The following WSB1 variants were observed in gnomAD, a reference collection of about 807,000 sequenced individuals.
WSB1 encodes the protein WD repeat and SOCS box containing 1.
A neutral mutation model predicts 50.2 loss-of-function variants in WSB1; 23 were observed. That is an observed-to-expected ratio of 0.46 (90% CI 0.33 to 0.65). WSB1 has a LOEUF of 0.65. WSB1 is among the 30% of genes least tolerant of loss of function. The pLI, the probability that WSB1 is intolerant of heterozygous loss-of-function variation, is 0.02. For missense variants in WSB1, 492 were observed against 522.3 expected (o/e 0.94, Z 0.56); for synonymous variants, 179 against 172.0 (o/e 1.04, Z -0.32).
Position 27,294,242 on chromosome 17 carries a change from C to A in WSB1, c.-154C>A. 2 of 992,052 alleles carry A rather than the reference C, an allele frequency of 2.0e-6. No homozygotes were observed. Among genetic ancestry groups the A allele is most frequent in the Non-Finnish European group, 3.0e-6 (2 of 672,450 alleles). The allele number at this position is 992,052 out of a possible 1,614,324, so 61.5% of individuals were successfully genotyped here. ...GAGGCCTTCGGGAGCTTTCCCGAGG[C>A]AGTTAGCAGAAGCCGCAGCGGCCGC... is the stretch of plus-strand genomic sequence containing the variant. On this transcript the variant is annotated 5_prime_UTR_variant, in exon 1 of 9. Transcript: ENST00000262394.
chr17:27,307,026 T>G, intron 5 of WSB1, 144 bp downstream of exon 5: 1 of 747,820 alleles, frequency 1.3e-6, no homozygotes, highest in East Asian at 2.8e-5. Context: ...GGGGAGAATT[T>G]GCATGAAGGA....
chr17:27,309,003 T>G, intron 5 of WSB1, 97 bp from the exon 6 acceptor site: 1 of 1,393,738 alleles, frequency 7.2e-7, no homozygotes, highest in Non-Finnish European at 9.4e-7. Context: ...TAATGCTTAA[T>G]ATAATCTTAA....
At chr17:27,295,884 C>T (rs1175636915) in intron 1 of WSB1, among the ~76,000 whole-genome samples, 1 of 151,242 alleles carries the variant, frequency 6.6e-6, no homozygotes, top group African/African-American at 2.4e-5. Flanking sequence ...GTTGCCCAGG[C>T]TGGAGTGCAA....
chr17:27,300,783 A>G (rs1156251193), intron 1 of WSB1, among the ~76,000 whole-genome samples: 1 of 151,712 alleles, frequency 6.6e-6, no homozygotes, highest in South Asian at 2.1e-4. Context: ...TCCACCTCCA[A>G]GATTCAAACA....
At chr17:27,303,199 C>G in intron 2 of WSB1, 168 bp from the exon 3 acceptor site, 1 of 693,960 alleles carries the variant, frequency 1.4e-6, no homozygotes, top group Non-Finnish European at 2.3e-6. Flanking sequence ...GTCCTTCTCT[C>G]GTAGTTCAAA....
chr17:27,310,375 G>GT (rs986719433), intron 7 of WSB1, among the ~76,000 whole-genome samples: 14 of 152,250 alleles, frequency 9.2e-5, no homozygotes, highest in African/African-American at 3.4e-4. Context: ...TGTGTTCCTT[G>GT]TTTAACTTGT....
Position 27,294,252 on chromosome 17 carries a change from A to C in WSB1, c.-144A>C. 1 of 1,136,536 alleles carries C rather than the reference A, an allele frequency of 8.8e-7. No homozygotes were observed. Among genetic ancestry groups the C allele is most frequent in the Non-Finnish European group, 1.2e-6 (1 of 800,518 alleles). The allele number at this position is 1,136,536 out of a possible 1,614,324, so 70.4% of individuals were successfully genotyped here. On this transcript the variant is annotated 5_prime_UTR_variant, in exon 1 of 9. Coordinates refer to ENST00000262394, the MANE Select transcript of WSB1 (RefSeq NM_015626.10). The stretch of plus-strand genomic sequence containing the variant: ...GGAGCTTTCCCGAGGCAGTTAGCAG[A>C]AGCCGCAGCGGCCGCCCCCGCCCGT...
At chr17:27,300,052 A>G (rs964732948) in intron 1 of WSB1, among the ~76,000 whole-genome samples, 4 of 151,470 alleles carry the variant, frequency 2.6e-5, no homozygotes, top group African/African-American at 7.3e-5. Flanking sequence ...GAATGGGAGC[A>G]TAAATGTGTG....
In WSB1 at chr17:27,311,633, C is replaced by CTTTTTTTTTTT. The variant is rs142949229; in HGVS notation, c.1106+33_1106+43dup. 4.1e-5 allele frequency: 20 copies of CTTTTTTTTTTT among 491,128 alleles called. No homozygotes were observed. The highest frequency in any genetic ancestry group is 1.6e-4 in the East Asian group (3 of 18,352). The allele number at this position is 491,128 out of a possible 1,614,324, so 30.4% of individuals were successfully genotyped here. ...AGCTGCTGGGTAAATATATTTTTCT[C>CTTTTTTTTTTT]TTTTTTTTTTTTTTTTTTTTTTTTT... On this transcript the variant is annotated intron_variant, in intron 8 of 8. Transcript: ENST00000262394.
Position 27,304,874 on chromosome 17 carries a change from A to G in WSB1, c.573A>G (p.Arg191=), listed in dbSNP as rs1380530462. The G allele has an allele frequency of 1.2e-6, 2 of 1,613,988 alleles. No homozygotes were observed. The highest frequency in any genetic ancestry group is 1.7e-5 in the Admixed American group (1 of 59,982). ...DGSLILVSAS[R]DKTLRVWDLK... is the part of the protein sequence containing the mutation. ...GCTTGATCCTGGTGTCAGCTTCAAG[A>G]GACAAAACTCTCAGAGTATGGGACC... The change falls in exon 4 of 9, where the codon AGA becomes AGG. Residue 191 remains arginine, a synonymous_variant. Transcript: ENST00000262394.
chr17:27,313,807 A>G lies in WSB1; in HGVS notation c.*1438A>G, dbSNP rs1382177215. 6.6e-6 allele frequency: 1 copy of G among 152,196 alleles called. No homozygotes were observed. The highest frequency in any genetic ancestry group is 1.5e-5 in the Non-Finnish European group (1 of 68,036). The allele number at this position is 152,196 out of a possible 1,614,324, so 9.4% of individuals were successfully genotyped here. The stretch of plus-strand genomic sequence containing the variant: ...GGGCTCCCCGAGTGCAGCAGCTCTT[A>G]TGGTGGTTTTGTTTTTAGGAGAACT... On this transcript the variant is annotated 3_prime_UTR_variant, in exon 9 of 9. Transcript: ENST00000262394.
intron 1 of WSB1, among the ~76,000 whole-genome samples, chr17:27,301,229 C>G (rs2017217075): frequency 6.6e-6 from 1 of 152,102 alleles, no homozygotes; most frequent in Non-Finnish European, 1.5e-5. Context: ...ACCTGTAAGT[C>G]TCTTCTAGTT....
intron 1 of WSB1, among the ~76,000 whole-genome samples, chr17:27,298,547 C>G (rs1288673746): frequency 5.3e-5 from 8 of 151,890 alleles, no homozygotes; most frequent in Admixed American, 5.3e-4. Context: ...ATAGCAAGAC[C>G]CTGTCTATAA....
At chr17:27,296,748 G>A (rs1364739006) in intron 1 of WSB1, among the ~76,000 whole-genome samples, 2 of 152,110 alleles carry the variant, frequency 1.3e-5, no homozygotes, top group Non-Finnish European at 2.9e-5. Flanking sequence ...TGTATCTTAC[G>A]GCTGATTTCC....
chr17:27,305,673 A>T (rs2017422708), intron 4 of WSB1, among the ~76,000 whole-genome samples: 1 of 152,224 alleles, frequency 6.6e-6, no homozygotes, highest in Admixed American at 6.5e-5. Flanking sequence ...AAACCCTCAG[A>T]TCTGGAGATG....
chr17:27,301,748 G>C, intron 1 of WSB1, 40 bp from the exon 2 acceptor site: 1 of 1,597,512 alleles, frequency 6.3e-7, no homozygotes, highest in Non-Finnish European at 8.6e-7. Flanking sequence ...ATGTATTGTT[G>C]GTTATATATG....
chr17:27,311,631 C>CTTTTTT lies in WSB1; in HGVS notation c.1106+16_1106+17insTTTTTT. 1.9e-6 allele frequency: 1 copy of CTTTTTT among 537,240 alleles called. No individual in the cohort carries two copies. Among genetic ancestry groups the CTTTTTT allele is most frequent in the East Asian group, 4.2e-5 (1 of 23,834 alleles). 33.3% of individuals were successfully genotyped at this position (537,240 alleles called of 1,614,324 possible). ...TTAGCTGCTGGGTAAATATATTTTT[C>CTTTTTT]TCTTTTTTTTTTTTTTTTTTTTTTT... On this transcript the variant is annotated intron_variant, in intron 8 of 8. Coordinates refer to ENST00000262394, the MANE Select transcript of WSB1 (RefSeq NM_015626.10).
intron 5 of WSB1, 147 bp downstream of exon 5, chr17:27,307,029 A>C: frequency 1.4e-6 from 1 of 734,128 alleles, no homozygotes; most frequent in East Asian, 2.8e-5. Context: ...GAGAATTTGC[A>C]TGAAGGAAAT....
Position 27,310,076 on chromosome 17 carries a change from A to G in WSB1, c.900A>G (p.Pro300=). ...ILMEFGHLFP[P]PTPIFAGGAN... is the part of the protein sequence containing the mutation. ...TTGACCTCAGGCACCTGTTTCCCCC[A>G]CCTACTCCAATATTTGCTGGAGGAG... Residue 300 remains proline, a synonymous_variant, in exon 7 of 9, where the codon CCA becomes CCG. Transcript: ENST00000262394. The G allele has an allele frequency of 5.0e-6, 8 of 1,613,968 alleles. No individual in the cohort carries two copies. The highest frequency in any genetic ancestry group is 5.9e-6 in the Non-Finnish European group (7 of 1,179,930).
Sources: allele counts gnomAD v4.1 joint callset (sites outside exome capture counted in the v4.1 genomes callset), GRCh38; gene constraint gnomAD v4.1.1; transcripts MANE v1.5; gene names NCBI Gene and HGNC (gene_info 2026-07-23, HGNC 2026-07-21).